GLIS3: variants seen among roughly 807,000 people sequenced by gnomAD.
The protein encoded by GLIS3 is zinc finger protein GLIS3.
GLIS3 carries 53 observed loss-of-function variants against 78.6 expected under a neutral mutation model. The observed-to-expected ratio is 0.67, with a 90% CI of 0.54 to 0.85. The LOEUF is 0.85. GLIS3 is among the 40% of genes least tolerant of loss of function. The pLI, the probability that GLIS3 is intolerant of heterozygous loss-of-function variation, is 0.00. For missense variants in GLIS3, 1,703 were observed against 1,231.1 expected (o/e 1.38, Z -5.74); for synonymous variants, 684 against 509.9 (o/e 1.34, Z -4.60).
chr9:4,209,041 GCCAGGT>G, intron 2 of GLIS3, among the ~76,000 whole-genome samples: 1 of 152,254 alleles, frequency 6.6e-6, no homozygotes, highest in Middle Eastern at 3.4e-3. Context: ...TACTGCTCAT[GCCAGGT>G]GTATCATAAG....
intron 4 of GLIS3, among the ~76,000 whole-genome samples, chr9:4,068,143 C>T (rs935108383): frequency 6.6e-6 from 1 of 151,992 alleles, no homozygotes; most frequent in Non-Finnish European, 1.5e-5. Context: ...TTTAAATGTT[C>T]TAATTAAAAT....
intron 2 of GLIS3, among the ~76,000 whole-genome samples, chr9:4,255,881 A>G (rs1049463846): frequency 1.7e-4 from 26 of 152,276 alleles, no homozygotes; most frequent in South Asian, 6.2e-4. Flanking sequence ...TGATGTGTCA[A>G]TGCAGGTTCA....
chr9:4,441,115 T>A, the GLIS3 span, among the ~76,000 whole-genome samples: 1 of 152,210 alleles, frequency 6.6e-6, no homozygotes, highest in Non-Finnish European at 1.5e-5. Flanking sequence ...TAATTTTACT[T>A]CCTCCTTTCC....
At chr9:4,176,628 C>G (rs1335741508) in intron 2 of GLIS3, among the ~76,000 whole-genome samples, 1 of 152,012 alleles carries the variant, frequency 6.6e-6, no homozygotes, top group African/African-American at 2.4e-5. Context: ...TTCTTTTTCT[C>G]CTTTTTTATC....
At chr9:4,446,272 G>A in the GLIS3 span, among the ~76,000 whole-genome samples, 3 of 152,124 alleles carry the variant, frequency 2.0e-5, no homozygotes, top group African/African-American at 7.2e-5. Context: ...TATCAAAGAG[G>A]TTGAAGGGGG....
chr9:4,204,760 A>G (rs1198086341), intron 2 of GLIS3, among the ~76,000 whole-genome samples: 1 of 152,082 alleles, frequency 6.6e-6, no homozygotes, highest in East Asian at 1.9e-4. Flanking sequence ...GTAAAATACA[A>G]AAAATTAGCC....
chr9:4,214,904 G>C (rs118055757), intron 2 of GLIS3, among the ~76,000 whole-genome samples: 140 of 152,254 alleles, frequency 9.2e-4, no homozygotes, highest in Non-Finnish European at 1.7e-3. Context: ...ATCCAAGAGG[G>C]GATTCACAGA....
At chr9:4,401,481 C>G in the GLIS3 span, among the ~76,000 whole-genome samples, 1 of 151,476 alleles carries the variant, frequency 6.6e-6, no homozygotes, top group African/African-American at 2.4e-5. Flanking sequence ...TCAGGCTGGT[C>G]TCGAAATCTC....
Position 3,983,650 on chromosome 9 carries a change from G to C in GLIS3, c.1711-46461C>G, listed in dbSNP as rs575138245. On this transcript the variant is annotated intron_variant, in intron 4 of 10. Transcript: ENST00000381971. ...AAACTTGTTGGGAACTGGAACAAAG[G>C]TGACTCTTGTTATGTCTTAGCAAAG... Among the ~76,000 whole-genome samples the C allele has an allele frequency of 1.6e-3, 240 of 152,302 alleles. 1 individual carries two copies. The highest frequency in any genetic ancestry group is 5.4e-3 in the African/African-American group (224 of 41,566).
At chr9:4,455,259 C>T in the GLIS3 span, among the ~76,000 whole-genome samples, 2 of 152,170 alleles carry the variant, frequency 1.3e-5, no homozygotes, top group South Asian at 2.1e-4. Context: ...ATGAGATTGC[C>T]TTCCATCTTA....
chr9:3,932,306 CAAG>C, intron 6 of GLIS3, 51 bp downstream of exon 6: 3 of 1,385,282 alleles, frequency 2.2e-6, no homozygotes, highest in Non-Finnish European at 3.1e-6. Flanking sequence ...TCGTGTACTA[CAAG>C]AATAATCTGA....
intron 4 of GLIS3, among the ~76,000 whole-genome samples, chr9:4,031,091 T>C (rs1305067263): frequency 6.6e-6 from 1 of 152,220 alleles, no homozygotes; most frequent in East Asian, 1.9e-4. Context: ...AGTTTGGCAG[T>C]TCTTCAAAAA....
chr9:4,104,034 T>C (rs1830572585), intron 4 of GLIS3, among the ~76,000 whole-genome samples: 1 of 152,176 alleles, frequency 6.6e-6, no homozygotes, highest in African/African-American at 2.4e-5. Context: ...AACGATGGAA[T>C]ACAGGGTAGG....
chr9:4,101,360 T>G (rs1564050784), intron 4 of GLIS3, among the ~76,000 whole-genome samples: 1 of 152,224 alleles, frequency 6.6e-6, no homozygotes, highest in Non-Finnish European at 1.5e-5. Flanking sequence ...CTTTTCTCTC[T>G]GGGGTCCAAA....
At chr9:4,181,209 T>C (rs1291046606) in intron 2 of GLIS3, among the ~76,000 whole-genome samples, 1 of 152,302 alleles carries the variant, frequency 6.6e-6, no homozygotes, top group South Asian at 2.1e-4. Flanking sequence ...TAAAGTTCCA[T>C]AGGTATTGGC....
intron 2 of GLIS3, among the ~76,000 whole-genome samples, chr9:4,258,876 C>G (rs1825234921): frequency 6.6e-6 from 1 of 152,212 alleles, no homozygotes; most frequent in South Asian, 2.1e-4. Flanking sequence ...AAGCAACCTT[C>G]CACATTCCTA....
intron 8 of GLIS3, among the ~76,000 whole-genome samples, chr9:3,864,563 C>T (rs1588113797): frequency 6.6e-6 from 1 of 152,270 alleles, no homozygotes; most frequent in African/African-American, 2.4e-5. Flanking sequence ...AAGCCACAAC[C>T]AGAGAAGATG....
intron 1 of GLIS3, among the ~76,000 whole-genome samples, chr9:4,291,613 G>C (rs989245951): frequency 6.6e-6 from 1 of 152,062 alleles, no homozygotes; most frequent in Non-Finnish European, 1.5e-5. Flanking sequence ...AGAAAAGGGA[G>C]AGGAAGGGAG....
chr9:4,022,760 A>C (rs527373423), intron 4 of GLIS3, among the ~76,000 whole-genome samples: 1 of 152,354 alleles, frequency 6.6e-6, no homozygotes, highest in South Asian at 2.1e-4. Flanking sequence ...CTACTGATAC[A>C]TGCAACAACA....
Sources: allele counts gnomAD v4.1 joint callset (sites outside exome capture counted in the v4.1 genomes callset), GRCh38; gene constraint gnomAD v4.1.1; transcripts MANE v1.5; gene names NCBI Gene and HGNC (gene_info 2026-07-23, HGNC 2026-07-21).